TFCP2: variants seen among roughly 807,000 people sequenced by gnomAD.
TFCP2 encodes the protein transcription factor CP2.
In TFCP2, 33 loss-of-function variants were observed where a neutral mutation model predicts 73.4. That is an observed-to-expected ratio of 0.45 (90% confidence interval 0.34 to 0.60). TFCP2 has a LOEUF of 0.60. Ranked by LOEUF, TFCP2 falls within the 20% of genes least tolerant of loss-of-function variation. The probability of loss-of-function intolerance (pLI) is 0.01; values close to 1 mark genes in which losing one functional copy is unlikely to be tolerated. For synonymous variants in TFCP2, 193 were observed against 211.6 expected (o/e 0.91, Z 0.76); for missense variants, 352 against 604.0 (o/e 0.58, Z 4.37).
chr12:51,104,983 A>C (rs999545167), intron 8 of TFCP2, among the ~76,000 whole-genome samples: 1 of 152,118 alleles, frequency 6.6e-6, no homozygotes, highest in Non-Finnish European at 1.5e-5. Context: ...AAGTGCTGGG[A>C]TTACAGGCGT....
chr12:51,170,343 C>CTTTTTTTT (rs4026184), intron 1 of TFCP2, among the ~76,000 whole-genome samples: 21,547 of 146,784 alleles, frequency 0.15, 1,863 homozygotes, highest in South Asian at 0.25. Flanking sequence ...TAAAATCTTT[C>CTTTTTTTT]TTTTTTTTTA....
intron 1 of TFCP2, among the ~76,000 whole-genome samples, chr12:51,153,042 T>G (rs188915411): frequency 6.6e-6 from 1 of 152,308 alleles, no homozygotes; most frequent in East Asian, 1.9e-4. Context: ...CTATTTGCAT[T>G]CTTTTTGTTT....
intron 4 of TFCP2, among the ~76,000 whole-genome samples, chr12:51,113,516 G>A (rs895670458): frequency 6.6e-6 from 1 of 152,170 alleles, no homozygotes; most frequent in African/African-American, 2.4e-5. Flanking sequence ...CTAGTAAAAT[G>A]AAGGAACTTT....
At chr12:51,126,013 G>A (rs868654605) in intron 1 of TFCP2, among the ~76,000 whole-genome samples, 3 of 151,970 alleles carry the variant, frequency 2.0e-5, no homozygotes, top group African/African-American at 4.8e-5. Flanking sequence ...GGTGGATCAC[G>A]AGGTCAGGAG....
At chr12:51,124,974 G>A (rs1401457658) in intron 1 of TFCP2, 2 of 739,372 alleles carry the variant, frequency 2.7e-6, no homozygotes, top group South Asian at 2.8e-5. Flanking sequence ...CACCTGCCTG[G>A]AGACCAGCTC....
chr12:51,101,904 C>A (rs1449081377), intron 11 of TFCP2, 31 bp downstream of exon 11: 2 of 1,437,584 alleles, frequency 1.4e-6, no homozygotes, highest in African/African-American at 2.8e-5. Flanking sequence ...GGAATCCCAA[C>A]CTTATTGATA....
intron 1 of TFCP2, among the ~76,000 whole-genome samples, chr12:51,165,420 A>C (rs564062655): frequency 1.3e-3 from 202 of 151,818 alleles, no homozygotes; most frequent in African/African-American, 4.6e-3. Context: ...AAGATATTTG[A>C]AAAAATTCAA....
chr12:51,102,154 A>G (rs1341587855), intron 10 of TFCP2, 129 bp from the exon 11 acceptor site: 3 of 660,856 alleles, frequency 4.5e-6, no homozygotes, highest in African/African-American at 1.8e-5. Flanking sequence ...TTCATGGCAT[A>G]TAAGGCCCTT....
chr12:51,138,572 A>C (rs1941115777), intron 1 of TFCP2, among the ~76,000 whole-genome samples: 1 of 152,026 alleles, frequency 6.6e-6, no homozygotes, highest in Admixed American at 6.6e-5. Flanking sequence ...CTCCTCTTTT[A>C]TGCTAAAAGT....
At position 51,157,977 on chromosome 12, in the gene TFCP2, C is replaced by T. The variant is rs1447754699; in HGVS notation, c.122+14324G>A. On this transcript the variant is annotated intron_variant, in intron 1 of 14. Coordinates refer to ENST00000257915, the MANE Select transcript of TFCP2 (RefSeq NM_005653.5). ...ACAGGCATAAACCACTGCACCCGAC[C>T]CATTTTAATTTTTTTTTCCACTATA... 2.6e-5 allele frequency among the ~76,000 whole-genome samples: 4 copies of T among 151,808 alleles called. No individual in the cohort carries two copies. In the South Asian group the frequency reaches 6.2e-4, roughly 24 times the overall value.
intron 1 of TFCP2, among the ~76,000 whole-genome samples, chr12:51,163,315 C>T (rs1265271925): frequency 1.3e-5 from 2 of 151,742 alleles, no homozygotes; most frequent in African/African-American, 2.4e-5. Context: ...TAAGGCCGGG[C>T]GCGGTGGCTC....
intron 8 of TFCP2, among the ~76,000 whole-genome samples, chr12:51,104,523 G>T (rs1040195887): frequency 1.3e-5 from 2 of 151,224 alleles, no homozygotes; most frequent in African/African-American, 4.9e-5. Context: ...AATTTACTAA[G>T]ATGAAAAATT....
Position 51,135,126 on chromosome 12 carries a change from C to A in TFCP2, c.123-16354G>T, listed in dbSNP as rs1002759002. On this transcript the variant is annotated intron_variant, in intron 1 of 14. Transcript: ENST00000257915. Reference sequence around the variant, plus strand: ...CTGTCTCAAAAAGAAAAAAAAAAAACAAAAAACCTACAATTCAGGGCCAGG... The same window carrying A: ...CTGTCTCAAAAAGAAAAAAAAAAAAAAAAAAACCTACAATTCAGGGCCAGG... Among the ~76,000 whole-genome samples, 122 of 123,208 alleles carry A rather than the reference C, an allele frequency of 9.9e-4. 1 individual carries two copies. Among genetic ancestry groups the A allele is most frequent in the African/African-American group, 3.0e-3 (101 of 33,474 alleles). 80.8% of individuals were successfully genotyped at this position (123,208 alleles called of 152,430 possible). A position where few individuals can be genotyped will look rare whatever the true frequency, so the allele number is the denominator to read the frequency against.
At chr12:51,113,684 G>T (rs191260276) in intron 4 of TFCP2, among the ~76,000 whole-genome samples, 1 of 152,248 alleles carries the variant, frequency 6.6e-6, no homozygotes, top group East Asian at 1.9e-4. Flanking sequence ...AAAATAGTGA[G>T]GTATAGGCAT....
intron 1 of TFCP2, among the ~76,000 whole-genome samples, chr12:51,119,333 C>A (rs1015756491): frequency 6.6e-6 from 1 of 152,198 alleles, no homozygotes; most frequent in African/African-American, 2.4e-5. Context: ...TCTAAACTTG[C>A]AAACCAAAGA....
chr12:51,167,417 A>G (rs1254314663), intron 1 of TFCP2, among the ~76,000 whole-genome samples: 2 of 151,318 alleles, frequency 1.3e-5, no homozygotes, highest in Non-Finnish European at 2.9e-5. Flanking sequence ...TTTTTGAGAC[A>G]GTCTCGCTTT....
At chr12:51,142,244 C>T (rs866686065) in intron 1 of TFCP2, among the ~76,000 whole-genome samples, 5 of 136,918 alleles carry the variant, frequency 3.7e-5, no homozygotes, top group African/African-American at 1.4e-4. Context: ...TATAATTAGG[C>T]TACTTGGCAA....
intron 1 of TFCP2, chr12:51,125,186 T>G: frequency 1.5e-6 from 1 of 686,116 alleles, no homozygotes; most frequent in Non-Finnish European, 2.7e-6. Context: ...TGATGATTGG[T>G]ACATTACGTG....
At chr12:51,144,855 G>A (rs771684652) in intron 1 of TFCP2, among the ~76,000 whole-genome samples, 1 of 151,764 alleles carries the variant, frequency 6.6e-6, no homozygotes, top group Admixed American at 6.6e-5. Flanking sequence ...TGAGGTCAAG[G>A]GTTTGAGACC....
Sources: gnomAD v4.1 joint callset for allele counts (sites outside exome capture counted in the v4.1 genomes callset) on GRCh38, gnomAD v4.1.1 for gene constraint, MANE v1.5 for transcripts, NCBI Gene and HGNC (gene_info 2026-07-23, HGNC 2026-07-21) for gene names.